The following ITGA7 variants were observed in gnomAD, a reference collection of about 807,000 sequenced individuals.
ITGA7 encodes the protein integrin subunit alpha 7.
ITGA7 carries 84 observed loss-of-function variants against 131.6 expected under a neutral mutation model. The observed-to-expected ratio is 0.64, with a 90% confidence interval of 0.54 to 0.77. The LOEUF (loss-of-function observed/expected upper bound fraction) is 0.77, where lower values mean the gene tolerates loss of function less well. ITGA7 is among the 30% of genes least tolerant of loss of function. The pLI, the probability that ITGA7 is intolerant of heterozygous loss-of-function variation, is 0.00. For missense variants in ITGA7, 1,399 were observed against 1,482.9 expected (o/e 0.94, Z 0.93); for synonymous variants, 548 against 600.7 (o/e 0.91, Z 1.28).
rs115441497 is a variant in ITGA7 at position 55,695,792 on chromosome 12, G to C, written c.1888-155C>G. Among the ~76,000 whole-genome samples, 2,452 of 152,074 alleles carry C rather than the reference G, an allele frequency of 0.016. 60 individuals are homozygous for C. The highest frequency in any genetic ancestry group is 0.057 in the African/African-American group (2,354 of 41,456). ...TTATTAGCCATGTGATCCTGAACTGGGTCCTCTCCTCTGGGTCCTCTCATC... is the reference window on the plus strand; with the variant it reads ...TTATTAGCCATGTGATCCTGAACTGCGTCCTCTCCTCTGGGTCCTCTCATC... On this transcript the variant is annotated intron_variant, in intron 13 of 24. Transcript: ENST00000257879.
At chr12:55,716,101 G>T (rs371945460), upstream of ITGA7, 4 of 1,598,124 alleles carry the variant, frequency 2.5e-6, no homozygotes, top group African/African-American at 5.4e-5. Flanking sequence ...AGCCGGAGGG[G>T]GCCCGGCGTA....
intron 1 of ITGA7, 93 bp from the exon 2 acceptor site, chr12:55,703,271 A>G: frequency 7.2e-7 from 1 of 1,380,948 alleles, no homozygotes; most frequent in Non-Finnish European, 9.8e-7. Flanking sequence ...ACCCCTCAGT[A>G]CTAAAGAGAG....
intron 24 of ITGA7, chr12:55,686,239 G>C: frequency 7.4e-7 from 1 of 1,350,618 alleles, no homozygotes; most frequent in Non-Finnish European, 9.8e-7. Flanking sequence ...ATGGCTGAAG[G>C]CTGCACAGCC....
chr12:55,685,395 G>C, intron 24 of ITGA7, 107 bp from the exon 25 acceptor site: 1 of 1,022,750 alleles, frequency 9.8e-7, no homozygotes, highest in South Asian at 1.3e-5. Flanking sequence ...TGCTGCGGCA[G>C]AAAGGAAATA....
rs1433382351 is a variant in ITGA7 at position 55,692,880 on chromosome 12, T to C, written c.2808A>G (p.Pro936=). The change falls in exon 21 of 25, where the codon CCA becomes CCG. Residue 936 remains proline, a synonymous_variant. Transcript: ENST00000257879. ...TTTTCTTCTTCTCAGCAGAGGACAC[T>C]GGCCACCAGGACATGCTGGGCTCCT... is the stretch of plus-strand genomic sequence containing the variant. ...ERQEPSMSWW[P]VSSAEKKKNI... 2 of 1,613,978 alleles carry C rather than the reference T, an allele frequency of 1.2e-6. No homozygotes were observed. The highest frequency in any genetic ancestry group is 1.7e-6 in the Non-Finnish European group (2 of 1,179,952).
In ITGA7 at chr12:55,693,164, G is replaced by A. The variant is rs761196927; in HGVS notation, c.2689C>T (p.Pro897Ser). 7 of 1,614,012 alleles carry A rather than the reference G, an allele frequency of 4.3e-6. No homozygotes were observed. Among genetic ancestry groups the A allele is most frequent in the Non-Finnish European group, 5.9e-6 (7 of 1,179,984 alleles). ...ACCAGGTGGAGGATGTTGGGCCTGG[G>A]AGAGCAAAGCCCTTTCTGCCCAGGC... ...QGPGQKGLCS[P>S]RPNILHLDVD... Residue 897 changes from proline (P) to serine (S), a missense_variant, in exon 20 of 25, where the codon CCC (proline) becomes TCC (serine). Pro to Ser is a moderately conservative substitution (Grantham distance 74). Transcript: ENST00000257879.
Position 55,688,899 on chromosome 12 carries a change from T to C in ITGA7, c.2903A>G (p.Asp968Gly), listed in dbSNP as rs1386845680. ...VVFSCPLYSF[D>G]RAAVLHVWGR... ...CCAGACATGCAGCACAGCCGCGCGG[T>C]CAAAGCTGTAGAGTGGGCAGCTGAA... Residue 968 changes from aspartate to glycine, a missense_variant, in exon 22 of 25, where the codon GAC becomes GGC. Coordinates refer to ENST00000257879, the MANE Select transcript of ITGA7 (RefSeq NM_002206.3). 1 of 1,613,798 alleles carries C rather than the reference T, an allele frequency of 6.2e-7. No individual in the cohort carries two copies. Among genetic ancestry groups the C allele is most frequent in the South Asian group, 1.1e-5 (1 of 91,054 alleles).
upstream of ITGA7, chr12:55,716,254 G>C (rs1287838733): frequency 3.2e-6 from 5 of 1,556,966 alleles, no homozygotes; most frequent in Non-Finnish European, 4.3e-6. Context: ...CTTCAGCCCG[G>C]AGCCTGGATC....
chr12:55,716,056 C>G, upstream of ITGA7: 1 of 1,556,412 alleles, frequency 6.4e-7, no homozygotes, highest in Non-Finnish European at 8.7e-7. Context: ...CGTGACATGG[C>G]CCCGGGGAGC....
chr12:55,692,715 C>A, intron 21 of ITGA7, 129 bp downstream of exon 21: 2 of 1,243,838 alleles, frequency 1.6e-6, no homozygotes, highest in Non-Finnish European at 2.3e-6. Flanking sequence ...CCCGGGCACC[C>A]CCTCCTATGA....
intron 13 of ITGA7, 54 bp downstream of exon 13, chr12:55,696,229 T>G: frequency 2.0e-6 from 3 of 1,527,074 alleles, no homozygotes; most frequent in Non-Finnish European, 2.6e-6. Context: ...GGAGGGACCA[T>G]GATCTTTGCC....
chr12:55,695,894 T>C (rs1416678624), intron 13 of ITGA7, among the ~76,000 whole-genome samples: 1 of 151,896 alleles, frequency 6.6e-6, no homozygotes, highest in Non-Finnish European at 1.5e-5. Context: ...CTGCCCCAGC[T>C]CACATGCATG....
intron 24 of ITGA7, among the ~76,000 whole-genome samples, chr12:55,686,975 T>C (rs1870292986): frequency 6.6e-6 from 1 of 152,014 alleles, no homozygotes; most frequent in Admixed American, 6.6e-5. Context: ...CCTCATCCCC[T>C]TACATCCTCA....
At chr12:55,716,173 A>C (rs767243561), upstream of ITGA7, 1 of 1,612,086 alleles carries the variant, frequency 6.2e-7, no homozygotes, top group African/African-American at 1.3e-5. Context: ...CAGGCCAAGC[A>C]GAATGAACGC....
At position 55,694,161 on chromosome 12, in the gene ITGA7, G is replaced by C. The variant is rs1429900765; in HGVS notation, c.2433-38C>G. 1.2e-6 allele frequency: 2 copies of C among 1,610,374 alleles called. No individual in the cohort carries two copies. Among genetic ancestry groups the C allele is most frequent in the African/African-American group, 2.7e-5 (2 of 74,902 alleles). On this transcript the variant is annotated intron_variant, in intron 18 of 24. Transcript: ENST00000257879. The surrounding 1 kb of genome is among the most constrained non-coding windows in gnomAD (Gnocchi z 5.3). ...GGTCAGAACAGGGGTGAGAAGGTCT[G>C]GGGCCTGGCTCAATGAAGGCAGGGC...
At position 55,692,797 on chromosome 12, in the gene ITGA7, C is replaced by A. The variant is rs768666403; in HGVS notation, c.2844+47G>T. The A allele has an allele frequency of 1.9e-6, 3 of 1,565,110 alleles. No homozygotes were observed. In the South Asian group the frequency reaches 3.5e-5, roughly 18 times the overall value. On this transcript the variant is annotated intron_variant, in intron 21 of 24. Coordinates refer to ENST00000257879, the MANE Select transcript of ITGA7 (RefSeq NM_002206.3). ...TCTCAACAGGTACCCTTCCTGGACA[C>A]GCAGCACCCCGGAGCTCTGGCTGCA...
chr12:55,710,499 G>A (rs965279504), upstream of ITGA7, among the ~76,000 whole-genome samples: 1 of 151,842 alleles, frequency 6.6e-6, no homozygotes, highest in Non-Finnish European at 1.5e-5. Flanking sequence ...ATGCTGAGCT[G>A]GGCACAGTGG....
rs1362729156 is a variant in ITGA7, at chr12:55,694,921, T to C, written c.2053A>G (p.Ile685Val). 1.9e-6 allele frequency: 3 copies of C among 1,614,000 alleles called. No individual in the cohort carries two copies. Among genetic ancestry groups the C allele is most frequent in the Non-Finnish European group, 2.5e-6 (3 of 1,179,978 alleles). The change falls in exon 15 of 25, where the codon ATT (isoleucine) becomes GTT (valine). Residue 685 changes from isoleucine (I) to valine (V), a missense_variant. Coordinates refer to ENST00000257879, the MANE Select transcript of ITGA7 (RefSeq NM_002206.3). The surrounding 1 kb of genome is among the most constrained non-coding windows in gnomAD (Gnocchi z 5.3). ...ALFALSGQPV[I>V]GLELMVTNLP... Reference sequence around the variant, plus strand: ...TTGGTGACCATCAGCTCCAGGCCAATGACTGGCTGCCCACTCAGTGCAAAC... The same window carrying C: ...TTGGTGACCATCAGCTCCAGGCCAACGACTGGCTGCCCACTCAGTGCAAAC...
intron 1 of ITGA7, 99 bp from the exon 2 acceptor site, chr12:55,703,277 G>T (rs183722774): frequency 8.2e-4 from 1,103 of 1,345,162 alleles, no homozygotes; most frequent in Non-Finnish European, 1.0e-3. Context: ...CAGTACTAAA[G>T]AGAGTGTTCA....
Sources: gnomAD v4.1 joint callset for allele counts (sites outside exome capture counted in the v4.1 genomes callset) on GRCh38, gnomAD v4.1.1 for gene constraint, Gnocchi (gnomAD v3.1) non-coding constraint, MANE v1.5 for transcripts, NCBI Gene and HGNC (gene_info 2026-07-23, HGNC 2026-07-21) for gene names.